Variants in CADM2 observed in about 807,000 individuals in gnomAD.
The protein encoded by CADM2 is immunoglobulin superfamily member 4D.
CADM2 carries 12 observed loss-of-function variants against 49.8 expected under a neutral mutation model. That is an observed-to-expected ratio of 0.24 (90% CI 0.15 to 0.39). The LOEUF (loss-of-function observed/expected upper bound fraction) is 0.39, where lower values mean the gene tolerates loss of function less well. Ranked by LOEUF, CADM2 falls within the 10% of genes least tolerant of loss-of-function variation. The pLI is 1.00. For missense variants in CADM2, 378 were observed against 492.3 expected (o/e 0.77, Z 2.20); for synonymous variants, 214 against 175.4 (o/e 1.22, Z -1.74).
intron 2 of CADM2, among the ~76,000 whole-genome samples, chr3:85,798,256 G>C (rs2071750408): frequency 6.6e-6 from 1 of 152,136 alleles, no homozygotes; most frequent in African/African-American, 2.4e-5. Context: ...TCGCTGTGTA[G>C]AAGTTCTTTA....
chr3:85,025,976 G>A (rs2034710112), intron 1 of CADM2, among the ~76,000 whole-genome samples: 1 of 152,118 alleles, frequency 6.6e-6, no homozygotes, highest in South Asian at 2.1e-4. Flanking sequence ...TCTCTCTACT[G>A]TTTCCGCACT....
chr3:85,591,959 G>T (rs546982967), intron 1 of CADM2, among the ~76,000 whole-genome samples: 1 of 151,922 alleles, frequency 6.6e-6, no homozygotes, highest in African/African-American at 2.4e-5. Flanking sequence ...AAACACAAAA[G>T]AAACCAATTT....
At chr3:85,134,633 C>A (rs1312551746) in intron 1 of CADM2, among the ~76,000 whole-genome samples, 1 of 152,082 alleles carries the variant, frequency 6.6e-6, no homozygotes, top group East Asian at 1.9e-4. Flanking sequence ...AAATTCAAGT[C>A]TTTTTAAGAT....
At chr3:85,470,423 T>G (rs734298) in intron 1 of CADM2, among the ~76,000 whole-genome samples, 1 of 151,972 alleles carries the variant, frequency 6.6e-6, no homozygotes, top group African/African-American at 2.4e-5. Context: ...GATCTTTGTG[T>G]TTTAGTAGAA....
chr3:84,960,688 G>T (rs2030425446), intron 1 of CADM2, among the ~76,000 whole-genome samples: 1 of 152,146 alleles, frequency 6.6e-6, no homozygotes, highest in Non-Finnish European at 1.5e-5. Flanking sequence ...GCAAATCACT[G>T]GGTTTGGATG....
intron 1 of CADM2, among the ~76,000 whole-genome samples, chr3:85,405,318 C>T (rs537954647): frequency 6.6e-6 from 1 of 152,220 alleles, no homozygotes; most frequent in South Asian, 2.1e-4. Flanking sequence ...TGAGTCATTA[C>T]CCTGTTTCTA....
At chr3:85,551,865 T>C (rs2061810696) in intron 1 of CADM2, among the ~76,000 whole-genome samples, 1 of 152,228 alleles carries the variant, frequency 6.6e-6, no homozygotes, top group Admixed American at 6.5e-5. Context: ...TTTTATCCTA[T>C]GATAATTCAA....
chr3:85,469,439 G>T (rs546949625), intron 1 of CADM2, among the ~76,000 whole-genome samples: 30 of 152,130 alleles, frequency 2.0e-4, no homozygotes, highest in Non-Finnish European at 4.1e-4. Flanking sequence ...GACACGCCAT[G>T]CAGGAATGGC....
chr3:85,434,800 G>A (rs544004310), intron 1 of CADM2, among the ~76,000 whole-genome samples: 1 of 152,126 alleles, frequency 6.6e-6, no homozygotes, highest in South Asian at 2.1e-4. Flanking sequence ...TCCTCAGTTC[G>A]TAAGTTACTT....
chr3:85,710,537 T>A, intron 1 of CADM2, among the ~76,000 whole-genome samples: 1 of 152,264 alleles, frequency 6.6e-6, no homozygotes, highest in Non-Finnish European at 1.5e-5. Context: ...ATATTTTATA[T>A]TCTTTCCAGT....
intron 1 of CADM2, among the ~76,000 whole-genome samples, chr3:85,137,622 A>T (rs2039455629): frequency 6.6e-6 from 1 of 152,026 alleles, no homozygotes; most frequent in Non-Finnish European, 1.5e-5. Context: ...CAACTTTCTG[A>T]GTTTCCAGTG....
At chr3:86,018,847 A>G (rs1359086927) in intron 8 of CADM2, among the ~76,000 whole-genome samples, 1 of 150,964 alleles carries the variant, frequency 6.6e-6, no homozygotes, top group Non-Finnish European at 1.5e-5. Flanking sequence ...CTCTGATGGT[A>G]GTTTCTTTTG....
chr3:85,676,956 G>A (rs1222668378), intron 1 of CADM2, among the ~76,000 whole-genome samples: 1 of 152,070 alleles, frequency 6.6e-6, no homozygotes. Flanking sequence ...CATATAGGGT[G>A]CTAAACTTTC....
intron 2 of CADM2, among the ~76,000 whole-genome samples, chr3:85,796,230 A>G (rs2071612793): frequency 6.6e-6 from 1 of 152,198 alleles, no homozygotes; most frequent in Non-Finnish European, 1.5e-5. Context: ...TTATATCAAT[A>G]TCAGGGACCC....
intron 1 of CADM2, among the ~76,000 whole-genome samples, chr3:85,310,848 A>C (rs1222783667): frequency 6.6e-6 from 1 of 152,122 alleles, no homozygotes; most frequent in Non-Finnish European, 1.5e-5. Flanking sequence ...AAAGCTAGAG[A>C]ACTTAGCTTT....
rs144494712 is a variant in CADM2, at chr3:85,903,646, A to G, written c.530-8727A>G. ...GATGAGGTATTTCTATTGCAGTGTG[A>G]TGTCATTCCTCAGGAAACGCAGGCT... On this transcript the variant is annotated intron_variant, in intron 5 of 9. Coordinates refer to ENST00000383699, the MANE Select transcript of CADM2 (RefSeq NM_001167675.2). Among the ~76,000 whole-genome samples the G allele has an allele frequency of 6.6e-5, 10 of 152,192 alleles. No homozygotes were observed. In the East Asian group the frequency reaches 1.9e-3, roughly 29 times the overall value.
intron 1 of CADM2, among the ~76,000 whole-genome samples, chr3:85,191,971 A>AT (rs1252225997): frequency 1.1e-4 from 13 of 118,514 alleles, no homozygotes; most frequent in African/African-American, 5.2e-4. Context: ...GTGTGTGTGT[A>AT]TTTTTTTAAC....
At chr3:85,161,626 CT>C (rs1485598922) in intron 1 of CADM2, among the ~76,000 whole-genome samples, 2 of 152,026 alleles carry the variant, frequency 1.3e-5, no homozygotes, top group Non-Finnish European at 2.9e-5. Context: ...ATGTATTTAT[CT>C]GCTGAAAGAG....
intron 8 of CADM2, among the ~76,000 whole-genome samples, chr3:85,973,477 A>G (rs141927792): frequency 2.0e-5 from 3 of 151,714 alleles, no homozygotes; most frequent in African/African-American, 7.3e-5. Flanking sequence ...TCTCTCTATT[A>G]TCTTATTCTC....
Sources: allele counts gnomAD v4.1 joint callset (sites outside exome capture counted in the v4.1 genomes callset), GRCh38; gene constraint gnomAD v4.1.1; transcripts MANE v1.5; gene names NCBI Gene and HGNC (gene_info 2026-07-23, HGNC 2026-07-21).